Variants in MSRB3 observed in about 807,000 individuals in gnomAD.
The protein encoded by MSRB3 is methionine-R-sulfoxide reductase B3.
Under a neutral mutation model 21.0 loss-of-function variants are expected in MSRB3, and 13 were observed. That is an observed-to-expected ratio of 0.62 (90% CI 0.40 to 0.98). MSRB3 has a LOEUF of 0.98. Among genes scored for constraint, MSRB3 ranks in the 50% least tolerant of loss-of-function variants. The pLI, the probability that MSRB3 is intolerant of heterozygous loss-of-function variation, is 0.00. For synonymous variants in MSRB3, 87 were observed against 88.6 expected (o/e 0.98, Z 0.10); for missense variants, 199 against 230.3 (o/e 0.86, Z 0.88).
rs558115723 is a variant in MSRB3 at position 65,300,079 on chromosome 12, G to C, written c.-51-8450G>C. 5.3e-5 allele frequency among the ~76,000 whole-genome samples: 8 copies of C among 152,290 alleles called. 1 individual carries two copies. The South Asian group carries it at 1.5e-3, about 28-fold the overall frequency. ...GTTGATTGATTTAAAATCAAAAGTT[G>C]TATCTGTAAGGTCTGGATTTAGGCA... On this transcript the variant is annotated intron_variant, in intron 1 of 6. Transcript: ENST00000308259.
chr12:65,400,878 C>T (rs992031634), intron 5 of MSRB3, among the ~76,000 whole-genome samples: 7 of 152,184 alleles, frequency 4.6e-5, no homozygotes, highest in Admixed American at 1.3e-4. Context: ...ACCCAGTAGC[C>T]ATTCAGGAGC....
intron 4 of MSRB3, among the ~76,000 whole-genome samples, chr12:65,350,036 G>C (rs551547270): frequency 6.6e-6 from 1 of 151,934 alleles, no homozygotes; most frequent in Admixed American, 6.6e-5. Flanking sequence ...GGTTTTTATG[G>C]TTTTAGGTCT....
At chr12:65,340,534 CTT>C (rs891660296) in intron 4 of MSRB3, among the ~76,000 whole-genome samples, 1 of 152,014 alleles carries the variant, frequency 6.6e-6, no homozygotes, top group African/African-American at 2.4e-5. Flanking sequence ...ATAACCATAT[CTT>C]ATTATATCAC....
At chr12:65,408,780 G>A (rs888680742) in intron 5 of MSRB3, among the ~76,000 whole-genome samples, 4 of 152,156 alleles carry the variant, frequency 2.6e-5, no homozygotes, top group Non-Finnish European at 5.9e-5. Flanking sequence ...GGCTGGAGTG[G>A]GCTGGAGTTG....
intron 1 of MSRB3, among the ~76,000 whole-genome samples, chr12:65,302,082 TTTTA>T (rs1194550167): frequency 7.2e-5 from 11 of 152,262 alleles, no homozygotes; most frequent in African/African-American, 2.4e-4. Context: ...GTAAATTATT[TTTTA>T]TTTATTTTTA....
At chr12:65,355,496 A>T (rs547334851) in intron 4 of MSRB3, among the ~76,000 whole-genome samples, 1 of 151,938 alleles carries the variant, frequency 6.6e-6, no homozygotes, top group East Asian at 2.0e-4. Context: ...CATCTTCATT[A>T]TCTTGCATTG....
At chr12:65,442,066 T>G (rs995912450) in intron 5 of MSRB3, among the ~76,000 whole-genome samples, 2 of 152,096 alleles carry the variant, frequency 1.3e-5, no homozygotes, top group African/African-American at 4.8e-5. Flanking sequence ...GACTAAGTTT[T>G]GACATATCAT....
intron 5 of MSRB3, among the ~76,000 whole-genome samples, chr12:65,414,820 T>C (rs1249127565): frequency 6.6e-6 from 1 of 152,114 alleles, no homozygotes; most frequent in African/African-American, 2.4e-5. Context: ...GCAATTAAAA[T>C]GAGGAAGATT....
intron 1 of MSRB3, chr12:65,286,756 C>T (rs941744142): frequency 1.3e-5 from 2 of 150,942 alleles, no homozygotes; most frequent in Non-Finnish European, 2.9e-5. Context: ...GTAGTTCATG[C>T]CTGTAATCCC....
intron 2 of MSRB3, among the ~76,000 whole-genome samples, chr12:65,319,666 C>CA (rs1874534593): frequency 6.6e-6 from 1 of 152,064 alleles, no homozygotes; most frequent in East Asian, 1.9e-4. Flanking sequence ...GTTCTTGATT[C>CA]ACTGTAGATG....
chr12:65,431,560 A>G (rs1454232851), intron 5 of MSRB3, among the ~76,000 whole-genome samples: 1 of 152,064 alleles, frequency 6.6e-6, no homozygotes. Context: ...TCGATGAGAA[A>G]TGTCTTCAGA....
chr12:65,402,468 C>T (rs1294362085), intron 5 of MSRB3, among the ~76,000 whole-genome samples: 2 of 152,242 alleles, frequency 1.3e-5, no homozygotes, highest in African/African-American at 4.8e-5. Context: ...CCATCGGGGT[C>T]ACTTATGTTC....
intron 5 of MSRB3, among the ~76,000 whole-genome samples, chr12:65,405,080 C>T (rs1337910214): frequency 2.0e-5 from 3 of 151,734 alleles, no homozygotes; most frequent in Admixed American, 6.6e-5. Flanking sequence ...CCTCCCAAGT[C>T]GCTGGGATTA....
intron 2 of MSRB3, among the ~76,000 whole-genome samples, chr12:65,325,019 A>C (rs1264548316): frequency 6.6e-6 from 1 of 152,200 alleles, no homozygotes; most frequent in African/African-American, 2.4e-5. Flanking sequence ...TTAAGTTTGC[A>C]TTTAATGATT....
intron 4 of MSRB3, among the ~76,000 whole-genome samples, chr12:65,353,219 GT>G (rs1399679484): frequency 6.6e-6 from 1 of 152,150 alleles, no homozygotes; most frequent in Non-Finnish European, 1.5e-5. Flanking sequence ...GGGGTGGAAA[GT>G]TCTGCAGATG....
intron 5 of MSRB3, among the ~76,000 whole-genome samples, chr12:65,422,961 CTTT>C (rs141803317): frequency 2.4e-5 from 3 of 124,326 alleles, no homozygotes; most frequent in Non-Finnish European, 3.3e-5. Flanking sequence ...TTAGGGTTTT[CTTT>C]TTTTTTTTTT....
At chr12:65,311,086 T>C (rs1421110258) in intron 2 of MSRB3, among the ~76,000 whole-genome samples, 1 of 152,012 alleles carries the variant, frequency 6.6e-6, no homozygotes, top group African/African-American at 2.4e-5. Flanking sequence ...ACATGTCCTA[T>C]GTTTCATTTA....
At chr12:65,336,606 T>C (rs1875778283) in intron 4 of MSRB3, among the ~76,000 whole-genome samples, 1 of 152,208 alleles carries the variant, frequency 6.6e-6, no homozygotes. Context: ...GGAAACATAA[T>C]AGGGAAAACT....
At chr12:65,456,176 G>A (rs367605604) in intron 6 of MSRB3, among the ~76,000 whole-genome samples, 2 of 152,046 alleles carry the variant, frequency 1.3e-5, no homozygotes, top group Non-Finnish European at 2.9e-5. Flanking sequence ...AAGACTAATC[G>A]TTGTTTCTTT....
Sources: gnomAD v4.1 joint callset for allele counts (sites outside exome capture counted in the v4.1 genomes callset) on GRCh38, gnomAD v4.1.1 for gene constraint, MANE v1.5 for transcripts, NCBI Gene and HGNC (gene_info 2026-07-23, HGNC 2026-07-21) for gene names.